The following LDLRAD3 variants were observed in gnomAD, a reference collection of about 807,000 sequenced individuals.
LDLRAD3 encodes low density lipoprotein receptor class A domain containing 3.
Under a neutral mutation model 29.4 loss-of-function variants are expected in LDLRAD3, and 20 were observed. That is an observed-to-expected ratio of 0.68 (90% confidence interval 0.48 to 0.99). The LOEUF (loss-of-function observed/expected upper bound fraction) is 0.99. Ranked by LOEUF, LDLRAD3 falls within the 50% of genes least tolerant of loss-of-function variation. The probability of loss-of-function intolerance (pLI) is 0.00; values close to 1 mark genes in which losing one functional copy is unlikely to be tolerated. For missense variants in LDLRAD3, 420 were observed against 454.3 expected, an observed-to-expected ratio of 0.92 and a Z score of 0.69; for synonymous variants, 157 against 192.7, an observed-to-expected ratio of 0.81 and a Z score of 1.53.
intron 2 of LDLRAD3, among the ~76,000 whole-genome samples, chr11:36,066,544 CAT>C (rs1852796604): frequency 6.6e-6 from 1 of 152,218 alleles, no homozygotes; most frequent in Non-Finnish European, 1.5e-5. Context: ...TCTTTATCCA[CAT>C]ATGTGTGTGC....
intron 1 of LDLRAD3, among the ~76,000 whole-genome samples, chr11:36,021,055 C>T (rs963501827): frequency 2.0e-5 from 3 of 151,936 alleles, no homozygotes; most frequent in African/African-American, 4.8e-5. Context: ...GCTGAGATGG[C>T]GCATGATGCA....
intron 4 of LDLRAD3, among the ~76,000 whole-genome samples, chr11:36,172,060 G>GA (rs1854605777): frequency 6.6e-6 from 1 of 151,950 alleles, no homozygotes. Flanking sequence ...TTCCTAAGGT[G>GA]TTTTTTTGTT....
chr11:36,083,437 T>C (rs1204749535), intron 3 of LDLRAD3, among the ~76,000 whole-genome samples: 2 of 152,116 alleles, frequency 1.3e-5, no homozygotes, highest in Admixed American at 1.3e-4. Context: ...ATCCCGTAAG[T>C]TAGAATGAGA....
intron 4 of LDLRAD3, among the ~76,000 whole-genome samples, chr11:36,153,043 A>C (rs1268231249): frequency 1.3e-5 from 2 of 151,966 alleles, no homozygotes; most frequent in Non-Finnish European, 2.9e-5. Context: ...CCACTCCTGA[A>C]TCTGCCATTT....
intron 4 of LDLRAD3, among the ~76,000 whole-genome samples, chr11:36,157,321 A>C (rs531297533): frequency 6.6e-5 from 10 of 152,342 alleles, no homozygotes; most frequent in Admixed American, 6.5e-4. Context: ...TGAGTTGTCC[A>C]GATAAAGGGA....
At chr11:36,097,691 C>G (rs1242098857) in intron 3 of LDLRAD3, among the ~76,000 whole-genome samples, 2 of 152,082 alleles carry the variant, frequency 1.3e-5, no homozygotes, top group African/African-American at 4.8e-5. Flanking sequence ...AAAAGGAAAC[C>G]AGAGTAGGGT....
At chr11:36,147,238 C>A (rs1181139979) in intron 4 of LDLRAD3, among the ~76,000 whole-genome samples, 1 of 149,942 alleles carries the variant, frequency 6.7e-6, no homozygotes, top group Admixed American at 6.7e-5. Context: ...CTGCCTCAGC[C>A]TCCCGAGTAG....
At chr11:36,030,407 T>C (rs1852221033) in intron 1 of LDLRAD3, among the ~76,000 whole-genome samples, 1 of 151,564 alleles carries the variant, frequency 6.6e-6, no homozygotes, top group East Asian at 2.0e-4. Flanking sequence ...GCAGAGCCGC[T>C]CACTCACTGG....
At chr11:36,088,293 G>C (rs755326866) in intron 3 of LDLRAD3, among the ~76,000 whole-genome samples, 4 of 152,084 alleles carry the variant, frequency 2.6e-5, no homozygotes, top group Non-Finnish European at 4.4e-5. Context: ...GAAACCCTGG[G>C]TTGGCTGGCA....
chr11:36,200,299 A>G (rs1366587838), intron 4 of LDLRAD3, among the ~76,000 whole-genome samples: 2 of 152,198 alleles, frequency 1.3e-5, no homozygotes, highest in Non-Finnish European at 2.9e-5. Flanking sequence ...CCTGGCTTAT[A>G]GACAGCCAGC....
At chr11:35,978,021 G>A (rs1415359753) in intron 1 of LDLRAD3, among the ~76,000 whole-genome samples, 1 of 152,158 alleles carries the variant, frequency 6.6e-6, no homozygotes, top group Non-Finnish European at 1.5e-5. Flanking sequence ...AGTGGTCACC[G>A]TGGCAGACTC....
chr11:36,153,916 C>A (rs1021025891), intron 4 of LDLRAD3, among the ~76,000 whole-genome samples: 1 of 151,988 alleles, frequency 6.6e-6, no homozygotes, highest in Non-Finnish European at 1.5e-5. Context: ...TAGAATTTAC[C>A]ACCTCTCCAA....
rs112335330 is a variant in LDLRAD3 at position 36,000,465 on chromosome 11, A to C, written c.47-35638A>C. On this transcript the variant is annotated intron_variant, in intron 1 of 5. Transcript: ENST00000315571. ...GGAAGATGGGTGAGAGGGTCTTTTCAACCATCCATCTCAGTAATATTTTAT... is the reference window on the plus strand; with the variant it reads ...GGAAGATGGGTGAGAGGGTCTTTTCCACCATCCATCTCAGTAATATTTTAT... 2.8e-3 allele frequency among the ~76,000 whole-genome samples: 426 copies of C among 152,152 alleles called. 3 individuals are homozygous for C. Among genetic ancestry groups the C allele is most frequent in the African/African-American group, 1.0e-2 (414 of 41,520 alleles).
At chr11:35,991,834 G>T (rs1349281916) in intron 1 of LDLRAD3, among the ~76,000 whole-genome samples, 10 of 150,652 alleles carry the variant, frequency 6.6e-5, no homozygotes, top group Non-Finnish European at 1.5e-4. Flanking sequence ...GAGTCACATT[G>T]CATGCAGAGC....
chr11:35,985,010 G>C (rs1325278097), intron 1 of LDLRAD3, among the ~76,000 whole-genome samples: 1 of 145,094 alleles, frequency 6.9e-6, no homozygotes, highest in African/African-American at 2.6e-5. Context: ...CTGCAGCCTC[G>C]AACTCCTGGG....
At chr11:36,143,149 A>T (rs188621392) in intron 4 of LDLRAD3, among the ~76,000 whole-genome samples, 39 of 152,304 alleles carry the variant, frequency 2.6e-4, no homozygotes, top group African/African-American at 9.4e-4. Context: ...CTGGGAAAGC[A>T]TTTTGCCTGG....
intron 2 of LDLRAD3, 78 bp downstream of exon 2, chr11:36,036,327 G>T: frequency 6.6e-7 from 1 of 1,524,498 alleles, no homozygotes. Flanking sequence ...AGCAGGCTTA[G>T]ACCCTGCACA....
intron 2 of LDLRAD3, among the ~76,000 whole-genome samples, chr11:36,062,104 A>G (rs1337518986): frequency 6.6e-6 from 1 of 152,188 alleles, no homozygotes; most frequent in Non-Finnish European, 1.5e-5. Context: ...GAGAGAGGAA[A>G]AGCCCAGGGC....
chr11:36,199,204 C>A (rs1855081583), intron 4 of LDLRAD3, among the ~76,000 whole-genome samples: 2 of 152,128 alleles, frequency 1.3e-5, no homozygotes, highest in Admixed American at 6.5e-5. Flanking sequence ...CCGGCCACAG[C>A]ACCTTATTTC....
Sources: allele counts gnomAD v4.1 joint callset (sites outside exome capture counted in the v4.1 genomes callset), GRCh38; gene constraint gnomAD v4.1.1; transcripts MANE v1.5; gene names NCBI Gene and HGNC (gene_info 2026-07-23, HGNC 2026-07-21).